AFF3: variants seen among roughly 807,000 people sequenced by gnomAD.
AFF3 encodes the protein ALF transcription elongation factor 3, also known as AF4/FMR2 family member 3.
Under a neutral mutation model 129.7 loss-of-function variants are expected in AFF3, and 32 were observed. That is an observed-to-expected ratio of 0.25 (90% CI 0.19 to 0.33). The LOEUF is 0.33. Among genes scored for constraint, AFF3 ranks in the 10% least tolerant of loss-of-function variants. AFF3 has a pLI of 1.00. For missense variants in AFF3, 1,373 were observed against 1,592.0 expected (o/e 0.86, Z 2.34); for synonymous variants, 644 against 635.4 (o/e 1.01, Z -0.20).
At chr2:99,996,377 A>T (rs181591687) in intron 7 of AFF3, among the ~76,000 whole-genome samples, 1 of 152,254 alleles carries the variant, frequency 6.6e-6, no homozygotes, top group East Asian at 1.9e-4. Flanking sequence ...ATAGAACCAC[A>T]GGTGATTTTT....
intron 7 of AFF3, among the ~76,000 whole-genome samples, chr2:99,972,724 T>C (rs1242568262): frequency 1.3e-5 from 2 of 152,176 alleles, no homozygotes; most frequent in Non-Finnish European, 2.9e-5. Context: ...ATATGAAGAA[T>C]CTGTAAGTCT....
At chr2:99,750,570 C>T (rs1681560581) in intron 9 of AFF3, among the ~76,000 whole-genome samples, 1 of 151,996 alleles carries the variant, frequency 6.6e-6, no homozygotes. Context: ...GGTGTGCCAC[C>T]ATGCCTGGCT....
intron 13 of AFF3, among the ~76,000 whole-genome samples, chr2:99,629,614 G>C (rs937649687): frequency 2.0e-5 from 3 of 152,160 alleles, no homozygotes; most frequent in African/African-American, 7.2e-5. Flanking sequence ...CAGTCGGTTT[G>C]GGCTGGCTAT....
chr2:99,947,669 C>T (rs10182919), intron 7 of AFF3, among the ~76,000 whole-genome samples: 20,440 of 148,136 alleles, frequency 0.14, 2,139 homozygotes, highest in African/African-American at 0.27. Context: ...GACAGACAGA[C>T]AGATAGATCG....
intron 4 of AFF3, among the ~76,000 whole-genome samples, chr2:100,057,149 T>C (rs1220882395): frequency 6.6e-6 from 1 of 151,956 alleles, no homozygotes; most frequent in African/African-American, 2.4e-5. Context: ...GGTGAAACTC[T>C]GTCTCAACCA....
chr2:99,765,345 C>A (rs544271083), intron 8 of AFF3, among the ~76,000 whole-genome samples: 1 of 152,152 alleles, frequency 6.6e-6, no homozygotes, highest in African/African-American at 2.4e-5. Context: ...TCCACACAAC[C>A]CATTCCTGAA....
chr2:99,959,012 G>A (rs1395748615), intron 7 of AFF3, among the ~76,000 whole-genome samples: 4 of 151,960 alleles, frequency 2.6e-5, no homozygotes, highest in East Asian at 1.9e-4. Context: ...TGGGAGGATC[G>A]ATTGAGTCCA....
intron 8 of AFF3, among the ~76,000 whole-genome samples, chr2:99,779,770 T>G (rs1175916084): frequency 1.3e-5 from 2 of 152,234 alleles, no homozygotes; most frequent in Admixed American, 6.5e-5. Flanking sequence ...GTATTTGATT[T>G]TCTGTTTCTG....
At chr2:100,018,009 GAT>G (rs961571910) in intron 4 of AFF3, among the ~76,000 whole-genome samples, 15 of 134,830 alleles carry the variant, frequency 1.1e-4, no homozygotes, top group African/African-American at 4.4e-4. Context: ...CTCCTTGGTT[GAT>G]ATGTGTGTGT....
chr2:99,919,784 T>C (rs1486398564), intron 7 of AFF3, among the ~76,000 whole-genome samples: 1 of 151,836 alleles, frequency 6.6e-6, no homozygotes, highest in Non-Finnish European at 1.5e-5. Context: ...AGAAGTCAGT[T>C]CTCTAAAAAG....
chr2:99,835,758 C>T (rs999489401), intron 8 of AFF3, among the ~76,000 whole-genome samples: 5 of 152,158 alleles, frequency 3.3e-5, no homozygotes, highest in African/African-American at 7.2e-5. Context: ...ACTGCCCTCT[C>T]GCACACACAT....
In AFF3 at chr2:99,743,984, GT is replaced by G. The variant is rs1045216603; in HGVS notation, c.1039+119del. On this transcript the variant is annotated intron_variant, in intron 10 of 24. Coordinates refer to ENST00000672756, the MANE Select transcript of AFF3 (RefSeq NM_001386135.1). ...CTTGAACAAATGGCCCCTTTCCCCA[GT>G]TTTTTAGTGAATTTCTTTGAAACCT... 34 of 834,718 alleles carry G rather than the reference GT, an allele frequency of 4.1e-5. No homozygotes were observed. The Admixed American group carries it at 5.9e-4, about 15-fold the overall frequency. 51.7% of individuals were successfully genotyped at this position (834,718 alleles called of 1,614,324 possible).
chr2:99,956,611 G>A (rs1676676317), intron 7 of AFF3, among the ~76,000 whole-genome samples: 2 of 152,138 alleles, frequency 1.3e-5, no homozygotes, highest in African/African-American at 4.8e-5. Flanking sequence ...AAATTTAAAT[G>A]ATTTGGCAAC....
intron 12 of AFF3, among the ~76,000 whole-genome samples, chr2:99,653,320 A>G (rs1175780113): frequency 6.6e-6 from 1 of 152,202 alleles, no homozygotes; most frequent in African/African-American, 2.4e-5. Flanking sequence ...AGAAATCATA[A>G]GAGGTGTAAC....
At chr2:99,681,707 C>T (rs1023345032) in intron 11 of AFF3, among the ~76,000 whole-genome samples, 2 of 152,122 alleles carry the variant, frequency 1.3e-5, no homozygotes, top group African/African-American at 2.4e-5. Flanking sequence ...CAACAGACAC[C>T]ACATCTCGTT....
intron 13 of AFF3, among the ~76,000 whole-genome samples, chr2:99,628,687 G>A (rs903749177): frequency 1.4e-5 from 2 of 146,452 alleles, no homozygotes; most frequent in Non-Finnish European, 3.0e-5. Flanking sequence ...CTCCTGAGTA[G>A]CTGGGATTAC....
chr2:99,708,840 A>C (rs1677645544), intron 11 of AFF3, among the ~76,000 whole-genome samples: 1 of 152,228 alleles, frequency 6.6e-6, no homozygotes, highest in Non-Finnish European at 1.5e-5. Context: ...CAGGAGGGCG[A>C]CACATAATTC....
chr2:99,586,881 T>TG (rs1197812040), intron 16 of AFF3, among the ~76,000 whole-genome samples: 2 of 152,168 alleles, frequency 1.3e-5, no homozygotes, highest in Non-Finnish European at 2.9e-5. Context: ...TAAGTTTTTT[T>TG]GGGGGAAGGG....
At chr2:99,753,527 C>T (rs183571735) in intron 8 of AFF3, among the ~76,000 whole-genome samples, 99 of 152,182 alleles carry the variant, frequency 6.5e-4, no homozygotes, top group African/African-American at 1.9e-3. Flanking sequence ...CTCCCTTTGG[C>T]GGGTGGGTGT....
Sources: gnomAD v4.1 joint callset for allele counts (sites outside exome capture counted in the v4.1 genomes callset) on GRCh38, gnomAD v4.1.1 for gene constraint, MANE v1.5 for transcripts, NCBI Gene and HGNC (gene_info 2026-07-23, HGNC 2026-07-21) for gene names.